Variants in PGCKA1 observed in about 807,000 individuals in gnomAD.
PGCKA1 encodes PDCD10 and GCKIII kinases associated 1, also known as PDCD10 and GCKIII kinases-associated protein 1.
the PGCKA1 span, among the ~76,000 whole-genome samples, chr4:37,539,423 A>C: frequency 2.0e-5 from 3 of 152,150 alleles, no homozygotes; most frequent in Admixed American, 2.0e-4. Context: ...TTGGGAGGCC[A>C]AGGTGGGCAA....
the PGCKA1 span, among the ~76,000 whole-genome samples, chr4:37,510,154 G>A: frequency 6.6e-6 from 1 of 152,000 alleles, no homozygotes; most frequent in Admixed American, 6.6e-5. Context: ...CCTTAAAACA[G>A]CTATTTTTAA....
At chr4:37,573,433 C>G in the PGCKA1 span, among the ~76,000 whole-genome samples, 1 of 152,210 alleles carries the variant, frequency 6.6e-6, no homozygotes, top group Admixed American at 6.5e-5. Context: ...GTCCCATCCC[C>G]TGACTCTCAG....
the PGCKA1 span, among the ~76,000 whole-genome samples, chr4:37,495,920 C>CT: frequency 6.6e-6 from 1 of 151,692 alleles, no homozygotes; most frequent in South Asian, 2.1e-4. Flanking sequence ...GTTTATTTTT[C>CT]TTTTTTTCTT....
the PGCKA1 span, among the ~76,000 whole-genome samples, chr4:37,490,139 G>T: frequency 6.6e-6 from 1 of 152,048 alleles, no homozygotes; most frequent in Admixed American, 6.6e-5. Flanking sequence ...TCAATTTTCA[G>T]CACTGTATAC....
At chr4:37,468,893 G>GA in the PGCKA1 span, among the ~76,000 whole-genome samples, 3 of 151,948 alleles carry the variant, frequency 2.0e-5, no homozygotes, top group Non-Finnish European at 4.4e-5. Context: ...TTAAAATTCG[G>GA]AAAAAACGTT....
chr4:37,527,615 T>G, the PGCKA1 span, among the ~76,000 whole-genome samples: 13 of 150,940 alleles, frequency 8.6e-5, no homozygotes, highest in Non-Finnish European at 1.3e-4. Flanking sequence ...GTCAGGAGAT[T>G]GAGACCATCC....
chr4:37,514,631 T>C, the PGCKA1 span, among the ~76,000 whole-genome samples: 1 of 152,142 alleles, frequency 6.6e-6, no homozygotes, highest in Admixed American at 6.5e-5. Flanking sequence ...ATTTTAAAAT[T>C]ATATGGTATG....
chr4:37,547,778 G>A, the PGCKA1 span, among the ~76,000 whole-genome samples: 2 of 152,126 alleles, frequency 1.3e-5, no homozygotes, highest in Non-Finnish European at 2.9e-5. Flanking sequence ...GAGAAAAAGA[G>A]GCCATCTATA....
At chr4:37,532,954 G>A in the PGCKA1 span, among the ~76,000 whole-genome samples, 2,317 of 138,658 alleles carry the variant, frequency 0.017, 31 homozygotes, top group South Asian at 0.12. Flanking sequence ...GGACTTTGGG[G>A]ACTTGGGGGG....
chr4:37,512,117 G>A, the PGCKA1 span, among the ~76,000 whole-genome samples: 2 of 152,192 alleles, frequency 1.3e-5, no homozygotes, highest in South Asian at 2.1e-4. Flanking sequence ...GGGGAATGGT[G>A]GTGTCAGCAA....
At chr4:37,474,566 A>G in the PGCKA1 span, among the ~76,000 whole-genome samples, 1 of 152,208 alleles carries the variant, frequency 6.6e-6, no homozygotes, top group Non-Finnish European at 1.5e-5. Context: ...GATGAGTGGA[A>G]AGGGAAGACT....
At chr4:37,455,742 C>G in the PGCKA1 span, among the ~76,000 whole-genome samples, 1 of 152,214 alleles carries the variant, frequency 6.6e-6, no homozygotes, top group South Asian at 2.1e-4. Flanking sequence ...CCTCTCTGAG[C>G]CGGAAATACA....
the PGCKA1 span, among the ~76,000 whole-genome samples, chr4:37,505,369 T>C: frequency 6.6e-6 from 1 of 152,222 alleles, no homozygotes; most frequent in Non-Finnish European, 1.5e-5. Flanking sequence ...TATGGGCCTG[T>C]CATTTTTTTT....
the PGCKA1 span, among the ~76,000 whole-genome samples, chr4:37,510,338 T>A: frequency 6.6e-6 from 1 of 152,120 alleles, no homozygotes; most frequent in Non-Finnish European, 1.5e-5. Flanking sequence ...GGGGCTTTTT[T>A]GTACCCATCC....
chr4:37,572,730 A>G, the PGCKA1 span, among the ~76,000 whole-genome samples: 2 of 152,344 alleles, frequency 1.3e-5, no homozygotes, highest in Non-Finnish European at 2.9e-5. Context: ...AATGTTTCAT[A>G]TATACCTTTT....
chr4:37,472,420 T>A, the PGCKA1 span, among the ~76,000 whole-genome samples: 1 of 152,150 alleles, frequency 6.6e-6, no homozygotes, highest in African/African-American at 2.4e-5. Flanking sequence ...GTTGAAAAAA[T>A]TTATTTCTTA....
At chr4:37,553,502 TAAAC>T in the PGCKA1 span, among the ~76,000 whole-genome samples, 2 of 152,222 alleles carry the variant, frequency 1.3e-5, no homozygotes, top group African/African-American at 4.8e-5. Flanking sequence ...ATTGCTGAAA[TAAAC>T]TATAATATGG....
chr4:37,586,565 T>C, the PGCKA1 span, among the ~76,000 whole-genome samples: 3 of 152,170 alleles, frequency 2.0e-5, no homozygotes, highest in Non-Finnish European at 4.4e-5. Context: ...TTGGGGATGT[T>C]ACTAGTTTTC....
the PGCKA1 span, among the ~76,000 whole-genome samples, chr4:37,481,271 C>G: frequency 6.6e-6 from 1 of 151,900 alleles, no homozygotes; most frequent in South Asian, 2.1e-4. Flanking sequence ...ACTATCCTGG[C>G]CAACATTGTG....
Sources: gnomAD v4.1 joint callset for allele counts (sites outside exome capture counted in the v4.1 genomes callset) on GRCh38, gnomAD v4.1.1 for gene constraint, MANE v1.5 for transcripts, NCBI Gene and HGNC (gene_info 2026-07-23, HGNC 2026-07-21) for gene names.